Variants in P3H2 observed in about 807,000 individuals in gnomAD.
The protein encoded by P3H2 is prolyl 3-hydroxylase 2.
Under a neutral mutation model 87.0 loss-of-function variants are expected in P3H2, and 80 were observed. The observed-to-expected ratio is 0.92, with a 90% confidence interval of 0.77 to 1.11. P3H2 has a LOEUF of 1.11. Among genes scored for constraint, P3H2 ranks in the 50% least tolerant of loss-of-function variants. The pLI, the probability that P3H2 is intolerant of heterozygous loss-of-function variation, is 0.00. For synonymous variants in P3H2, 367 were observed against 359.3 expected (o/e 1.02, Z -0.24); for missense variants, 1,001 against 923.9 (o/e 1.08, Z -1.08).
Position 189,983,060 on chromosome 3 carries a change from C to T in P3H2, c.1310G>A (p.Arg437Gln), listed in dbSNP as rs769955962. 5 of 1,613,386 alleles carry T rather than the reference C, an allele frequency of 3.1e-6. No individual in the cohort carries two copies. Among genetic ancestry groups the T allele is most frequent in the South Asian group, 1.1e-5 (1 of 91,058 alleles). The change falls in exon 8 of 15, where the codon CGA (arginine) becomes CAA (glutamine). Residue 437 changes from arginine to glutamine, a missense_variant. Physicochemically the swap from Arg to Gln is conservative, Grantham distance 43. Coordinates refer to ENST00000319332, the MANE Select transcript of P3H2 (RefSeq NM_018192.4). ...MGKKLSPKID[R>Q]DLREGGPLLY... is the part of the protein sequence containing the mutation. ...CAGCTACTTACCTTCTCTTAGGTCT[C>T]GATCTATCTTGGGTGATAGCTTTTT...
chr3:190,120,479 C>G lies in P3H2; in HGVS notation c.253G>C (p.Ala85Pro), dbSNP rs914760113. 5.6e-6 allele frequency: 8 copies of G among 1,440,250 alleles called. No individual in the cohort carries two copies. In the East Asian group the frequency reaches 2.4e-4, roughly 43 times the overall value. The allele number at this position is 1,440,250 out of a possible 1,614,324, so 89.2% of individuals were successfully genotyped here. The change falls in exon 1 of 15, where the codon GCC becomes CCC. Residue 85 changes from alanine to proline, a missense_variant. Ala to Pro is a conservative substitution (Grantham distance 27). Coordinates refer to ENST00000319332, the MANE Select transcript of P3H2 (RefSeq NM_018192.4). ...RRLREIRTRC[A>P]RHCAARHPLP... ...GGGTGGCGCGCCGCGCAGTGGCGGG[C>G]ACAGCGCGTGCGGATTTCCCGCAGG...
intron 1 of P3H2, among the ~76,000 whole-genome samples, chr3:190,049,429 G>A (rs1316788635): frequency 1.3e-5 from 2 of 151,792 alleles, no homozygotes; most frequent in Non-Finnish European, 2.9e-5. Context: ...GGCAGGGGAG[G>A]GAAAGGGAAA....
chr3:190,108,854 T>A (rs1349101894), intron 1 of P3H2, among the ~76,000 whole-genome samples: 1 of 152,084 alleles, frequency 6.6e-6, no homozygotes, highest in African/African-American at 2.4e-5. Context: ...TTGTTTTTGT[T>A]TTTTTAGAGG....
At chr3:189,990,379 CTACTCAACT>C (rs1723840525) in intron 3 of P3H2, among the ~76,000 whole-genome samples, 1 of 151,990 alleles carries the variant, frequency 6.6e-6, no homozygotes, top group Non-Finnish European at 1.5e-5. Context: ...CTGTTTTCTC[CTACTCAACT>C]TACCATTTGC....
rs1282916012 is a variant in P3H2 at position 190,057,622 on chromosome 3, G to A, written c.481-62180C>T. Among the ~76,000 whole-genome samples the A allele has an allele frequency of 7.0e-5, 10 of 142,366 alleles. No individual in the cohort carries two copies. In the South Asian group the frequency reaches 1.5e-3, roughly 22 times the overall value. 93.4% of individuals were successfully genotyped at this position (142,366 alleles called of 152,430 possible). On this transcript the variant is annotated intron_variant, in intron 1 of 14. Transcript: ENST00000319332. ...TAATGGTGTGGACGCTGAGAGGAAA[G>A]AAAAAAGCCATCACACTTTATCTTA...
intron 1 of P3H2, among the ~76,000 whole-genome samples, chr3:190,067,398 T>G (rs1461773895): frequency 1.3e-5 from 2 of 152,164 alleles, no homozygotes; most frequent in African/African-American, 4.8e-5. Context: ...AGACAAATCC[T>G]TGCATGACCT....
rs1180697514 is a variant in P3H2 at position 190,120,689 on chromosome 3, G to T, written c.43C>A (p.Pro15Thr). ...CACAGTGGCGGCGGCAGTAGCAGCG[G>T]CAGCAGCAGCAGCAGCGGCGGCGCC... The part of the protein sequence containing the change: ...IWAPPLLLLL[P>T]LLLPPPLWGG... The change falls in exon 1 of 15, where the codon CCG becomes ACG. Residue 15 changes from proline to threonine, a missense_variant. By Grantham distance (38) the Pro-to-Thr change is conservative. Coordinates refer to ENST00000319332, the MANE Select transcript of P3H2 (RefSeq NM_018192.4). 36 of 1,505,668 alleles carry T rather than the reference G, an allele frequency of 2.4e-5. No homozygotes were observed. The highest frequency in any genetic ancestry group is 2.8e-5 in the Non-Finnish European group (32 of 1,132,870). 93.3% of individuals were successfully genotyped at this position (1,505,668 alleles called of 1,614,324 possible).
At chr3:190,053,317 A>T (rs1726041590) in intron 1 of P3H2, among the ~76,000 whole-genome samples, 2 of 152,110 alleles carry the variant, frequency 1.3e-5, no homozygotes, top group African/African-American at 2.4e-5. Context: ...TTTGATTGTA[A>T]AATTGGATTT....
intron 1 of P3H2, among the ~76,000 whole-genome samples, chr3:190,037,703 T>C (rs1471340078): frequency 6.6e-6 from 1 of 152,234 alleles, no homozygotes; most frequent in Non-Finnish European, 1.5e-5. Flanking sequence ...TAAGACATTT[T>C]AATAAAGTCA....
At position 190,041,112 on chromosome 3, in the gene P3H2, A is replaced by C. The variant is rs868259861; in HGVS notation, c.481-45670T>G. ...CTCTCTATATATATATATATACTAT[A>C]TATATATATATAAGCTGGGCATGGT... On this transcript the variant is annotated intron_variant, in intron 1 of 14. Transcript: ENST00000319332. 4.6e-4 allele frequency among the ~76,000 whole-genome samples: 53 copies of C among 114,214 alleles called. 2 individuals are homozygous for C. The highest frequency in any genetic ancestry group is 1.5e-3 in the African/African-American group (52 of 34,178). 74.9% of individuals were successfully genotyped at this position (114,214 alleles called of 152,430 possible).
chr3:190,003,283 T>G (rs888330220), intron 1 of P3H2, among the ~76,000 whole-genome samples: 1 of 152,208 alleles, frequency 6.6e-6, no homozygotes, highest in African/African-American at 2.4e-5. Context: ...TGTTTACATT[T>G]TAGTGTTAAA....
chr3:190,061,243 T>C lies in P3H2; in HGVS notation c.480+59009A>G, dbSNP rs79079969. Among the ~76,000 whole-genome samples, 1,050 of 152,196 alleles carry C rather than the reference T, an allele frequency of 6.9e-3. 15 individuals carry two copies. The highest frequency in any genetic ancestry group is 7.6e-3 in the Non-Finnish European group (520 of 67,990). On this transcript the variant is annotated intron_variant, in intron 1 of 14. Coordinates refer to ENST00000319332, the MANE Select transcript of P3H2 (RefSeq NM_018192.4). Reference sequence around the variant, plus strand: ...CCTTCACTTTTTTTCCTCTGGACCTTAGGAGAGCATTTAAATACCGTTCTG... The same window carrying C: ...CCTTCACTTTTTTTCCTCTGGACCTCAGGAGAGCATTTAAATACCGTTCTG...
rs531356718 is a variant in P3H2, at chr3:189,986,439, A to T, written c.1188+349T>A. Among the ~76,000 whole-genome samples the T allele has an allele frequency of 4.6e-5, 7 of 152,070 alleles. No individual in the cohort carries two copies. In the South Asian group the frequency reaches 1.5e-3, roughly 32 times the overall value. On this transcript the variant is annotated intron_variant, in intron 6 of 14. Transcript: ENST00000319332. ...ATCTCTACTAAAAATACAAAAAAAA[A>T]TTAGCTGGGCATTGTGGCGTGTGCC...
intron 1 of P3H2, among the ~76,000 whole-genome samples, chr3:190,020,204 G>T (rs1724893641): frequency 7.5e-6 from 1 of 133,824 alleles, no homozygotes. Context: ...AGAGACTGTA[G>T]GTTTCAGGAA....
intron 1 of P3H2, among the ~76,000 whole-genome samples, chr3:190,060,659 T>C (rs1033291350): frequency 2.0e-5 from 3 of 152,182 alleles, no homozygotes; most frequent in Admixed American, 6.5e-5. Flanking sequence ...CTTACTCGAA[T>C]GAAGTGTATC....
chr3:190,013,898 G>A (rs1179610401), intron 1 of P3H2, among the ~76,000 whole-genome samples: 1 of 152,132 alleles, frequency 6.6e-6, no homozygotes, highest in Non-Finnish European at 1.5e-5. Flanking sequence ...TGTGAGTAGA[G>A]TATCAGTAAA....
chr3:189,963,218 T>C (rs1449879031), intron 14 of P3H2, among the ~76,000 whole-genome samples: 1 of 152,234 alleles, frequency 6.6e-6, no homozygotes, highest in Non-Finnish European at 1.5e-5. Context: ...GATGAGATCA[T>C]GGTCTCCTCC....
At chr3:189,973,409 C>A (rs7636690) in intron 10 of P3H2, among the ~76,000 whole-genome samples, 1 of 150,886 alleles carries the variant, frequency 6.6e-6, no homozygotes, top group African/African-American at 2.4e-5. Context: ...GATGGCTGAA[C>A]GGAGGAATGA....
chr3:189,993,343 G>A (rs1474316676), intron 3 of P3H2, among the ~76,000 whole-genome samples: 2 of 146,856 alleles, frequency 1.4e-5, no homozygotes, highest in Non-Finnish European at 3.0e-5. Context: ...AAAAAAAAGA[G>A]CTTTTCTTCT....
Sources: gnomAD v4.1 joint callset for allele counts (sites outside exome capture counted in the v4.1 genomes callset) on GRCh38, gnomAD v4.1.1 for gene constraint, MANE v1.5 for transcripts, NCBI Gene and HGNC (gene_info 2026-07-23, HGNC 2026-07-21) for gene names.